The following ZNF469 variants were observed in gnomAD, a reference collection of about 807,000 sequenced individuals.
ZNF469 encodes the protein zinc finger protein 469.
Under a neutral mutation model 1.0 loss-of-function variants are expected in ZNF469, and 1 was observed. The observed-to-expected ratio is 1.00, with a 90% CI of 0.35 to 4.73. The LOEUF is 4.73. ZNF469 is among the 30% of genes most tolerant of loss of function. The probability of loss-of-function intolerance (pLI) is 0.16; values close to 1 mark genes in which losing one functional copy is unlikely to be tolerated. For synonymous variants in ZNF469, 2,703 were observed against 2,363.4 expected, an observed-to-expected ratio of 1.14 and a Z score of -4.17; for missense variants, 6,100 against 5,356.3, an observed-to-expected ratio of 1.14 and a Z score of -4.33.
chr16:88,241,364 A>T, the ZNF469 span, among the ~76,000 whole-genome samples: 13 of 152,024 alleles, frequency 8.6e-5, no homozygotes, highest in African/African-American at 3.1e-4. This position sits in a 1 kb window ranked among gnomAD's most constrained non-coding sequence, Gnocchi z 4.8. Context: ...CTCTAAAAAA[A>T]AAAAAAAAGC....
At chr16:88,315,584 A>G in the ZNF469 span, among the ~76,000 whole-genome samples, 1 of 152,162 alleles carries the variant, frequency 6.6e-6, no homozygotes, top group Admixed American at 6.5e-5. Flanking sequence ...AGCAGGGCCC[A>G]GGAGCTCTCA....
At chr16:88,106,204 C>T in the ZNF469 span, among the ~76,000 whole-genome samples, 36 of 152,338 alleles carry the variant, frequency 2.4e-4, 1 homozygote, top group East Asian at 1.2e-3. Flanking sequence ...CCTCCACCCG[C>T]GCCCCCACAC....
the ZNF469 span, among the ~76,000 whole-genome samples, chr16:88,142,635 C>T: frequency 6.6e-6 from 1 of 152,148 alleles, no homozygotes; most frequent in East Asian, 1.9e-4. Context: ...CAGGTGTGGC[C>T]CTGGGGCTCG....
At chr16:88,286,034 G>A in the ZNF469 span, among the ~76,000 whole-genome samples, 1 of 152,236 alleles carries the variant, frequency 6.6e-6, no homozygotes, top group Non-Finnish European at 1.5e-5. Flanking sequence ...CCACCCACCT[G>A]TGTTTTAGCC....
At chr16:88,333,379 G>A in the ZNF469 span, among the ~76,000 whole-genome samples, 1 of 4,008 alleles carries the variant, frequency 2.5e-4, no homozygotes, top group Non-Finnish European at 6.3e-4. Flanking sequence ...GCTGAGTCAC[G>A]GAAGAGGGGC....
the ZNF469 span, among the ~76,000 whole-genome samples, chr16:88,163,798 T>A: frequency 0.012 from 1,852 of 151,624 alleles, 30 homozygotes; most frequent in African/African-American, 0.042. Context: ...GGTGGGTAAG[T>A]TGATGAGTGG....
chr16:88,252,912 C>T, the ZNF469 span, among the ~76,000 whole-genome samples: 9 of 152,184 alleles, frequency 5.9e-5, no homozygotes, highest in South Asian at 2.1e-4. Flanking sequence ...CTATAGCCTG[C>T]GTTATTTCTG....
Position 88,431,876 on chromosome 16 carries a change from A to T in ZNF469, c.4406A>T (p.Tyr1469Phe), listed in dbSNP as rs116072997. The change falls in exon 3 of 3, where the codon TAT becomes TTT. Residue 1469 changes from tyrosine (Y) to phenylalanine (F), a missense_variant. By Grantham distance (22) the Tyr-to-Phe change is conservative (BLOSUM62 3). Transcript: ENST00000565624. The part of the protein sequence containing the change: ...LPVDRFDPPL[Y>F]GSLSANRDSG... ...GTGGACAGATTCGACCCACCCCTCTATGGCAGCCTGTCTGCGAACAGGGAC... is the reference window on the plus strand; with the variant it reads ...GTGGACAGATTCGACCCACCCCTCTTTGGCAGCCTGTCTGCGAACAGGGAC... The T allele has an allele frequency of 6.5e-7, 1 of 1,549,900 alleles. No individual in the cohort carries two copies. Among genetic ancestry groups the T allele is most frequent in the South Asian group, 1.2e-5 (1 of 84,036 alleles).
chr16:88,223,575 C>T, the ZNF469 span, among the ~76,000 whole-genome samples: 1 of 152,172 alleles, frequency 6.6e-6, no homozygotes, highest in Non-Finnish European at 1.5e-5. Context: ...CAGCACAAAG[C>T]CGAGTGAAGA....
At chr16:88,302,958 G>A in the ZNF469 span, among the ~76,000 whole-genome samples, 2 of 152,316 alleles carry the variant, frequency 1.3e-5, no homozygotes, top group South Asian at 4.1e-4. Flanking sequence ...GGAAGGGCGT[G>A]GAACTCAGCA....
chr16:88,428,234 C>T lies in ZNF469; in HGVS notation c.764C>T (p.Pro255Leu), dbSNP rs930744713. The change falls in exon 3 of 3, where the codon CCG becomes CTG. Residue 255 changes from proline to leucine, a missense_variant. Pro to Leu is a moderately conservative substitution (Grantham distance 98). Transcript: ENST00000565624. ...GANFGVPPAE[P>L]EPIPKGSRPG... ...AATTTCGGGGTTCCCCCCGCCGAGC[C>T]GGAACCTATTCCCAAAGGCAGCAGG... 8.5e-5 allele frequency: 132 copies of T among 1,550,224 alleles called. No individual in the cohort carries two copies. The East Asian group carries it at 3.2e-3, about 37-fold the overall frequency.
the ZNF469 span, among the ~76,000 whole-genome samples, chr16:88,377,492 T>C: frequency 4.6e-5 from 7 of 152,224 alleles, no homozygotes; most frequent in African/African-American, 1.7e-4. Flanking sequence ...CTTTTTGCTC[T>C]CGACTGGGGC....
intron 1 of ZNF469, among the ~76,000 whole-genome samples, chr16:88,396,370 G>C (rs1904659302): frequency 1.3e-5 from 2 of 152,188 alleles, no homozygotes; most frequent in Admixed American, 6.5e-5. Flanking sequence ...CCCTCTTGAA[G>C]GGAGGCCAGG....
At chr16:88,205,989 A>G in the ZNF469 span, among the ~76,000 whole-genome samples, 1 of 152,172 alleles carries the variant, frequency 6.6e-6, no homozygotes, top group Non-Finnish European at 1.5e-5. The surrounding 1 kb of genome is among the most constrained non-coding windows in gnomAD (Gnocchi z 4.2). Flanking sequence ...GGCCTGAAGA[A>G]GGACCCTGAG....
chr16:88,417,374 G>A (rs1003381064), intron 1 of ZNF469, among the ~76,000 whole-genome samples: 3 of 152,298 alleles, frequency 2.0e-5, no homozygotes, highest in South Asian at 2.1e-4. Context: ...AGGCACCCCC[G>A]TCTTTGGATT....
upstream of ZNF469, among the ~76,000 whole-genome samples, chr16:88,380,990 A>G (rs1049584518): frequency 5.5e-4 from 74 of 134,946 alleles, no homozygotes; most frequent in Non-Finnish European, 1.1e-3. Context: ...ATGCACTCAC[A>G]CAGACATGCA....
the ZNF469 span, among the ~76,000 whole-genome samples, chr16:88,199,639 C>T: frequency 1.3e-5 from 2 of 152,234 alleles, no homozygotes; most frequent in African/African-American, 4.8e-5. Context: ...TTTACAGTTA[C>T]TGGGCTTCTA....
At chr16:88,223,690 G>C in the ZNF469 span, among the ~76,000 whole-genome samples, 1 of 152,230 alleles carries the variant, frequency 6.6e-6, no homozygotes, top group African/African-American at 2.4e-5. Flanking sequence ...TGTGGGGACA[G>C]AGCACAGGAG....
rs1906061432 is a variant in ZNF469 at position 88,430,376 on chromosome 16, C to T, written c.2906C>T (p.Ser969Leu). The T allele has an allele frequency of 1.3e-6, 2 of 1,514,848 alleles. No homozygotes were observed. Among genetic ancestry groups the T allele is most frequent in the Non-Finnish European group, 1.8e-6 (2 of 1,135,334 alleles). The allele number at this position is 1,514,848 out of a possible 1,614,324, so 93.8% of individuals were successfully genotyped here. A position where few individuals can be genotyped will look rare whatever the true frequency, so the allele number is the denominator to read the frequency against. Residue 969 changes from serine to leucine, a missense_variant, in exon 3 of 3, where the codon TCG becomes TTG. Ser to Leu is a moderately radical substitution (Grantham distance 145). Coordinates refer to ENST00000565624, the MANE Select transcript of ZNF469 (RefSeq NM_001367624.2). The stretch of plus-strand genomic sequence containing the variant: ...GGCGGCGCAGCAGAGGGGTCGGGGT[C>T]GGGCGGCGGCGGCAGAGCCTCCGGC... ...DSGGAAEGSGSGGGGRASGLR... is the reference protein window; with the variant it reads ...DSGGAAEGSGLGGGGRASGLR...
Sources: allele counts gnomAD v4.1 joint callset (sites outside exome capture counted in the v4.1 genomes callset), GRCh38; gene constraint gnomAD v4.1.1; non-coding constraint Gnocchi (gnomAD v3.1); transcripts MANE v1.5; gene names NCBI Gene and HGNC (gene_info 2026-07-23, HGNC 2026-07-21).